SYN3: variants seen among roughly 807,000 people sequenced by gnomAD.
SYN3 encodes synapsin-3.
In SYN3, 35 loss-of-function variants were observed where a neutral mutation model predicts 65.8. The ratio of observed to expected loss-of-function variants is 0.53; its 90% CI spans 0.41 to 0.70. The LOEUF (loss-of-function observed/expected upper bound fraction) is 0.70. Ranked by LOEUF, SYN3 falls within the 30% of genes least tolerant of loss-of-function variation. The pLI, the probability that SYN3 is intolerant of heterozygous loss-of-function variation, is 0.00. For synonymous variants in SYN3, 270 were observed against 292.9 expected (o/e 0.92, Z 0.80); for missense variants, 680 against 749.0 (o/e 0.91, Z 1.08).
chr22:32,652,930 C>T (rs1362431796), intron 6 of SYN3, among the ~76,000 whole-genome samples: 2 of 152,320 alleles, frequency 1.3e-5, no homozygotes, highest in African/African-American at 2.4e-5. Context: ...TCAGTTCAAA[C>T]CTCACAGTCA....
chr22:32,544,809 C>T (rs1219176653), intron 7 of SYN3, among the ~76,000 whole-genome samples: 1 of 152,188 alleles, frequency 6.6e-6, no homozygotes, highest in East Asian at 1.9e-4. Context: ...ACATTTCTGT[C>T]CTTGGTGGCC....
intron 6 of SYN3, among the ~76,000 whole-genome samples, chr22:32,691,327 C>T (rs1402415419): frequency 3.3e-5 from 5 of 152,168 alleles, no homozygotes; most frequent in Admixed American, 2.6e-4. Context: ...CAAGAGGCAG[C>T]TGGTCACCCT....
chr22:32,844,246 G>A (rs941370686), intron 6 of SYN3, among the ~76,000 whole-genome samples: 9 of 152,156 alleles, frequency 5.9e-5, no homozygotes, highest in African/African-American at 1.2e-4. Flanking sequence ...CAGCTCAAGG[G>A]TATCTTGCCC....
At chr22:32,776,467 C>T (rs1159178293) in intron 6 of SYN3, among the ~76,000 whole-genome samples, 1 of 152,208 alleles carries the variant, frequency 6.6e-6, no homozygotes, top group Non-Finnish European at 1.5e-5. Context: ...GAGGCAGATA[C>T]TGTCAACATC....
At chr22:32,651,109 AC>A (rs1270509217) in intron 6 of SYN3, among the ~76,000 whole-genome samples, 2 of 152,310 alleles carry the variant, frequency 1.3e-5, no homozygotes, top group African/African-American at 4.8e-5. Flanking sequence ...ATGGAAGAGC[AC>A]AGAAGGCCAA....
At chr22:32,720,523 C>T (rs1471987301) in intron 6 of SYN3, among the ~76,000 whole-genome samples, 1 of 152,204 alleles carries the variant, frequency 6.6e-6, no homozygotes, top group Non-Finnish European at 1.5e-5. Flanking sequence ...CTGCCTTGCC[C>T]CGAATCACAC....
intron 4 of SYN3, among the ~76,000 whole-genome samples, chr22:32,904,041 T>G (rs952637514): frequency 1.3e-5 from 2 of 152,254 alleles, no homozygotes; most frequent in African/African-American, 4.8e-5. Context: ...ACATTATTTC[T>G]CTTAATCCTT....
At chr22:32,603,666 T>A (rs2059320605) in intron 6 of SYN3, among the ~76,000 whole-genome samples, 1 of 152,114 alleles carries the variant, frequency 6.6e-6, no homozygotes, top group African/African-American at 2.4e-5. Flanking sequence ...CCATTCCCAC[T>A]TCTACCCCTT....
At chr22:32,701,413 G>GC (rs1254100469) in intron 6 of SYN3, among the ~76,000 whole-genome samples, 1 of 152,002 alleles carries the variant, frequency 6.6e-6, no homozygotes, top group Non-Finnish European at 1.5e-5. Flanking sequence ...ATGTAAGAAA[G>GC]CAGAAAAATA....
intron 6 of SYN3, among the ~76,000 whole-genome samples, chr22:32,692,155 C>CAAAAAAAAA (rs1188224009): frequency 3.8e-4 from 13 of 34,478 alleles, no homozygotes; most frequent in Admixed American, 8.4e-4. Flanking sequence ...GACAAAAAGA[C>CAAAAAAAAA]AAAAAAAAAA....
intron 6 of SYN3, chr22:32,857,230 A>C (rs760627784): frequency 6.3e-7 from 1 of 1,586,338 alleles, no homozygotes; most frequent in Non-Finnish European, 8.7e-7. Flanking sequence ...AGAAGTCATG[A>C]TGTTCCTTTT....
chr22:32,593,192 G>A (rs1479683552), intron 7 of SYN3, among the ~76,000 whole-genome samples: 1 of 151,802 alleles, frequency 6.6e-6, no homozygotes. Flanking sequence ...AAGGAGAAAA[G>A]TCCTTTTCCC....
intron 7 of SYN3, among the ~76,000 whole-genome samples, chr22:32,593,293 T>G (rs2059153253): frequency 6.6e-6 from 1 of 151,696 alleles, no homozygotes; most frequent in African/African-American, 2.4e-5. Context: ...CCTTTCCATG[T>G]TTTGGGAGGC....
In SYN3 at chr22:32,880,557, C is replaced by T. The variant is rs73158373; in HGVS notation, c.462-11432G>A. Among the ~76,000 whole-genome samples, 191 of 152,172 alleles carry T rather than the reference C, an allele frequency of 1.3e-3. 1 individual carries two copies. The highest frequency in any genetic ancestry group is 1.9e-3 in the South Asian group (9 of 4,820). On this transcript the variant is annotated intron_variant, in intron 4 of 13. Coordinates refer to ENST00000358763, the MANE Select transcript of SYN3 (RefSeq NM_003490.4). ...GTGGGTGGTGGTGGAGAGGGTTTAC[C>T]CTCTCAGCCGTCTCAGGGATGCAGT...
At chr22:32,843,615 T>C (rs2146209333) in intron 6 of SYN3, among the ~76,000 whole-genome samples, 1 of 152,298 alleles carries the variant, frequency 6.6e-6, no homozygotes, top group East Asian at 1.9e-4. Flanking sequence ...CCCTCTTTCC[T>C]CCTTTTTGGT....
chr22:32,990,679 T>G (rs1268833861), intron 2 of SYN3, among the ~76,000 whole-genome samples: 1 of 150,626 alleles, frequency 6.6e-6, no homozygotes, highest in African/African-American at 2.5e-5. Flanking sequence ...CCTGTCTTCT[T>G]TATCAGAAGC....
intron 6 of SYN3, among the ~76,000 whole-genome samples, chr22:32,759,377 C>G (rs897585544): frequency 6.6e-6 from 1 of 152,122 alleles, no homozygotes; most frequent in Admixed American, 6.5e-5. Context: ...AGGATATGTA[C>G]AAGGGGCTCA....
intron 6 of SYN3, among the ~76,000 whole-genome samples, chr22:32,683,932 T>C (rs900432110): frequency 2.0e-5 from 3 of 152,166 alleles, no homozygotes; most frequent in African/African-American, 7.2e-5. Flanking sequence ...CTCTTGCTAC[T>C]GGGGCCCTCA....
intron 6 of SYN3, among the ~76,000 whole-genome samples, chr22:32,765,169 G>A (rs2045591195): frequency 6.6e-6 from 1 of 152,148 alleles, no homozygotes; most frequent in African/African-American, 2.4e-5. Flanking sequence ...CAGAGAGGCA[G>A]TGGTGAGGGT....
Sources: gnomAD v4.1 joint callset for allele counts (sites outside exome capture counted in the v4.1 genomes callset) on GRCh38, gnomAD v4.1.1 for gene constraint, MANE v1.5 for transcripts, NCBI Gene and HGNC (gene_info 2026-07-23, HGNC 2026-07-21) for gene names.